Variants in CTNND2 observed in about 807,000 individuals in gnomAD.
CTNND2 encodes catenin delta 2.
CTNND2 carries 22 observed loss-of-function variants against 144.4 expected under a neutral mutation model. The ratio of observed to expected loss-of-function variants is 0.15; its 90% confidence interval spans 0.11 to 0.22. The LOEUF (loss-of-function observed/expected upper bound fraction) is 0.22. CTNND2 is among the 10% of genes least tolerant of loss of function. CTNND2 has a pLI of 1.00. For missense variants in CTNND2, 1,353 were observed against 1,618.8 expected (o/e 0.84, Z 2.82); for synonymous variants, 751 against 695.6 (o/e 1.08, Z -1.25).
chr5:11,127,072 C>T (rs985163797), intron 12 of CTNND2, among the ~76,000 whole-genome samples: 1 of 152,228 alleles, frequency 6.6e-6, no homozygotes, highest in Non-Finnish European at 1.5e-5. Context: ...CAACCAAGGA[C>T]AGGACCTGGC....
intron 10 of CTNND2, among the ~76,000 whole-genome samples, chr5:11,216,358 A>C (rs1739197809): frequency 6.6e-6 from 1 of 152,228 alleles, no homozygotes; most frequent in African/African-American, 2.4e-5. Flanking sequence ...AGAGTCTAAC[A>C]TTAACTATCT....
At chr5:11,544,011 T>C (rs1774989952) in intron 3 of CTNND2, among the ~76,000 whole-genome samples, 2 of 152,172 alleles carry the variant, frequency 1.3e-5, no homozygotes, top group Non-Finnish European at 2.9e-5. Context: ...GAGCAGGCTG[T>C]CATTAAAAAC....
chr5:11,560,713 G>A (rs956537935), intron 3 of CTNND2, among the ~76,000 whole-genome samples: 1 of 152,166 alleles, frequency 6.6e-6, no homozygotes, highest in East Asian at 1.9e-4. Context: ...CATTCAGAAG[G>A]ATATGAGCCC....
At chr5:11,655,178 T>A (rs961780036) in intron 2 of CTNND2, among the ~76,000 whole-genome samples, 1 of 152,070 alleles carries the variant, frequency 6.6e-6, no homozygotes, top group African/African-American at 2.4e-5. Flanking sequence ...CAATTTTAAA[T>A]AGATTTAGCA....
At chr5:11,260,481 T>A (rs1407802003) in intron 9 of CTNND2, among the ~76,000 whole-genome samples, 2 of 152,194 alleles carry the variant, frequency 1.3e-5, no homozygotes, top group African/African-American at 4.8e-5. Context: ...TATTTAAAAA[T>A]TTCATGTAAT....
intron 2 of CTNND2, among the ~76,000 whole-genome samples, chr5:11,728,074 A>G (rs1336086210): frequency 6.6e-6 from 1 of 152,220 alleles, no homozygotes; most frequent in African/African-American, 2.4e-5. Flanking sequence ...TAAAAGATCT[A>G]GTTTCTTTAG....
chr5:11,428,317 T>A (rs546669105), intron 3 of CTNND2, among the ~76,000 whole-genome samples: 6 of 152,318 alleles, frequency 3.9e-5, no homozygotes, highest in South Asian at 2.1e-4. Flanking sequence ...AGTGGTTTTT[T>A]AATAAATTTC....
chr5:11,021,310 AT>A (rs1376602533), intron 17 of CTNND2, among the ~76,000 whole-genome samples: 1 of 152,216 alleles, frequency 6.6e-6, no homozygotes, highest in Non-Finnish European at 1.5e-5. Flanking sequence ...TCTCATGAAT[AT>A]AGACAAGAAT....
At chr5:11,687,176 T>C (rs995781153) in intron 2 of CTNND2, among the ~76,000 whole-genome samples, 1 of 152,236 alleles carries the variant, frequency 6.6e-6, no homozygotes. Flanking sequence ...CAATTTATTC[T>C]TCATGCGATT....
chr5:11,855,080 C>T (rs4547925), intron 1 of CTNND2, among the ~76,000 whole-genome samples: 105,388 of 152,082 alleles, frequency 0.69, 36,618 homozygotes, highest in South Asian at 0.78. Context: ...TAAAGAGCGA[C>T]GGTTACTTGG....
In CTNND2 at chr5:11,246,338, G is replaced by A. The variant is rs9632428; in HGVS notation, c.1629-9515C>T. 2.5e-3 allele frequency among the ~76,000 whole-genome samples: 384 copies of A among 152,248 alleles called. 4 individuals are homozygous for A. Among genetic ancestry groups the A allele is most frequent in the African/African-American group, 7.6e-3 (316 of 41,536 alleles). ...TTGCAGATGTAATTGAGGTAAGGAT[G>A]GAAATGAGATCAGACTGGATTGGGG... is the stretch of plus-strand genomic sequence containing the variant. On this transcript the variant is annotated intron_variant, in intron 9 of 21. Transcript: ENST00000304623.
At chr5:11,245,288 C>T (rs777929898) in intron 9 of CTNND2, among the ~76,000 whole-genome samples, 5 of 152,178 alleles carry the variant, frequency 3.3e-5, no homozygotes, top group Non-Finnish European at 5.9e-5. Context: ...TGGCCCCCAA[C>T]GTTATCCAGG....
At chr5:11,233,838 G>A (rs1741322154) in intron 10 of CTNND2, among the ~76,000 whole-genome samples, 1 of 152,044 alleles carries the variant, frequency 6.6e-6, no homozygotes, top group Non-Finnish European at 1.5e-5. Flanking sequence ...TTTTATTTAA[G>A]CCTTTTGCAC....
chr5:11,831,615 C>T (rs189905927), intron 1 of CTNND2, among the ~76,000 whole-genome samples: 286 of 149,210 alleles, frequency 1.9e-3, no homozygotes, highest in African/African-American at 6.6e-3. Flanking sequence ...TGCAGTGAGC[C>T]GAGATTGCGC....
chr5:11,219,755 A>G (rs1739594072), intron 10 of CTNND2, among the ~76,000 whole-genome samples: 1 of 152,222 alleles, frequency 6.6e-6, no homozygotes, highest in African/African-American at 2.4e-5. Flanking sequence ...CAGAAGCTGA[A>G]AAAGTCAAAG....
chr5:10,978,037 C>T (rs919090540), intron 21 of CTNND2, among the ~76,000 whole-genome samples: 1 of 152,210 alleles, frequency 6.6e-6, no homozygotes, highest in Non-Finnish European at 1.5e-5. Context: ...TCAGTCACTA[C>T]CCAGTGTGAA....
chr5:11,811,774 T>C (rs1214719874), intron 1 of CTNND2, among the ~76,000 whole-genome samples: 2 of 152,190 alleles, frequency 1.3e-5, no homozygotes, highest in African/African-American at 2.4e-5. Context: ...TGCTTTATAA[T>C]GTCCAGCTTG....
At chr5:11,662,244 CAT>C (rs1561669477) in intron 2 of CTNND2, among the ~76,000 whole-genome samples, 2 of 125,996 alleles carry the variant, frequency 1.6e-5, no homozygotes, top group East Asian at 2.1e-4. Context: ...TATATATATA[CAT>C]ATATGTGTGT....
At chr5:11,286,338 A>G (rs1364368541) in intron 9 of CTNND2, among the ~76,000 whole-genome samples, 2 of 152,220 alleles carry the variant, frequency 1.3e-5, no homozygotes, top group Non-Finnish European at 2.9e-5. Flanking sequence ...AATGGTTTTC[A>G]CTTATGAACA....
Sources: gnomAD v4.1 joint callset for allele counts (sites outside exome capture counted in the v4.1 genomes callset) on GRCh38, gnomAD v4.1.1 for gene constraint, MANE v1.5 for transcripts, NCBI Gene and HGNC (gene_info 2026-07-23, HGNC 2026-07-21) for gene names.